Variants in ORC5 observed in about 807,000 individuals in gnomAD.
ORC5 encodes protein phosphatase 1, regulatory subunit 117.
Under a neutral mutation model 58.8 loss-of-function variants are expected in ORC5, and 39 were observed. The observed-to-expected ratio is 0.66, with a 90% CI of 0.51 to 0.87. The LOEUF (loss-of-function observed/expected upper bound fraction) is 0.87. Among genes scored for constraint, ORC5 ranks in the 40% least tolerant of loss-of-function variants. ORC5 has a pLI of 0.00. For synonymous variants in ORC5, 218 were observed against 177.6 expected, an observed-to-expected ratio of 1.23 and a Z score of -1.81; for missense variants, 493 against 506.3, an observed-to-expected ratio of 0.97 and a Z score of 0.25.
chr7:104,181,805 AAAAG>A (rs943659758), intron 8 of ORC5, among the ~76,000 whole-genome samples: 1 of 151,646 alleles, frequency 6.6e-6, no homozygotes, highest in African/African-American at 2.4e-5. Context: ...AAAAAAAAAA[AAAAG>A]AAAATGTGCA....
chr7:104,137,116 T>C (rs1562803111), intron 12 of ORC5, among the ~76,000 whole-genome samples: 2 of 151,302 alleles, frequency 1.3e-5, no homozygotes, highest in Non-Finnish European at 1.5e-5. Context: ...TTTTTTTTTT[T>C]CTTAGAGATA....
At chr7:104,151,482 C>T (rs1417732714) in intron 12 of ORC5, among the ~76,000 whole-genome samples, 1 of 151,010 alleles carries the variant, frequency 6.6e-6, no homozygotes, top group Non-Finnish European at 1.5e-5. Context: ...GATAATTTCT[C>T]CATTTAGCTA....
intron 6 of ORC5, chr7:104,187,481 G>A (rs1584514196): frequency 6.6e-6 from 1 of 152,456 alleles, no homozygotes; most frequent in Non-Finnish European, 1.5e-5. Context: ...AAGAAAATGT[G>A]CTAAGAGACA....
At chr7:104,151,663 A>G (rs985737139) in intron 12 of ORC5, among the ~76,000 whole-genome samples, 1 of 152,236 alleles carries the variant, frequency 6.6e-6, no homozygotes, top group Admixed American at 6.5e-5. Flanking sequence ...GGGGCACACC[A>G]GTGTCTGACA....
At chr7:104,162,447 C>A (rs1385859975) in intron 11 of ORC5, among the ~76,000 whole-genome samples, 1 of 152,164 alleles carries the variant, frequency 6.6e-6, no homozygotes, top group Non-Finnish European at 1.5e-5. Flanking sequence ...CAGGCGTGAG[C>A]CAGTGCACCC....
At position 104,184,172 on chromosome 7, in the gene ORC5, C is replaced by T. The variant is rs763421811; in HGVS notation, c.685-1G>A. On this transcript the variant is annotated splice_acceptor_variant, in intron 6 of 13. Transcript: ENST00000297431. LOFTEE classifies it high-confidence loss of function. ...AATATTTAGGAAAATTAAGTACTGC[C>T]TGTAAGTAAAGAAAAAAAAAGAGAA... is the stretch of plus-strand genomic sequence containing the variant. The T allele has an allele frequency of 1.3e-6, 2 of 1,531,802 alleles. No homozygotes were observed. Among genetic ancestry groups the T allele is most frequent in the Admixed American group, 2.0e-5 (1 of 50,768 alleles). The allele number at this position is 1,531,802 out of a possible 1,614,324, so 94.9% of individuals were successfully genotyped here.
Position 104,165,253 on chromosome 7 carries a change from A to C in ORC5, c.1020T>G (p.Phe340Leu), listed in dbSNP as rs1272743826. 6.6e-7 allele frequency: 1 copy of C among 1,522,100 alleles called. No homozygotes were observed. Among genetic ancestry groups the C allele is most frequent in the South Asian group, 1.2e-5 (1 of 83,764 alleles). 94.3% of individuals were successfully genotyped at this position (1,522,100 alleles called of 1,614,324 possible). A position where few individuals can be genotyped will look rare whatever the true frequency, so the allele number is the denominator to read the frequency against. ...TAAATACCTTTTCGTGTTTTTTTAGAAAGTTGGTTTTCTTGATTTTTCCAT... is the reference window on the plus strand; with the variant it reads ...TAAATACCTTTTCGTGTTTTTTTAGCAAGTTGGTTTTCTTGATTTTTCCAT... The part of the protein sequence containing the change: ...KHHGKIKKTN[F>L]LKKHEKTSNH... Residue 340 changes from phenylalanine (F) to leucine (L), a missense_variant, in exon 11 of 14, where the codon TTT becomes TTG. Phe to Leu is a conservative substitution (Grantham distance 22, BLOSUM62 0). Coordinates refer to ENST00000297431, the MANE Select transcript of ORC5 (RefSeq NM_002553.4).
chr7:104,130,647 T>A (rs1266668524), intron 13 of ORC5, among the ~76,000 whole-genome samples: 1 of 152,204 alleles, frequency 6.6e-6, no homozygotes, highest in East Asian at 1.9e-4. Context: ...CACTATATAT[T>A]TCTCTTTCTT....
intron 8 of ORC5, among the ~76,000 whole-genome samples, chr7:104,182,614 C>T (rs775990307): frequency 6.6e-6 from 1 of 151,654 alleles, no homozygotes; most frequent in Non-Finnish European, 1.5e-5. Context: ...ACAAGCTGTA[C>T]CCGAATAAAT....
chr7:104,146,603 G>T (rs1447415704), intron 12 of ORC5, among the ~76,000 whole-genome samples: 1 of 152,148 alleles, frequency 6.6e-6, no homozygotes, highest in Non-Finnish European at 1.5e-5. Flanking sequence ...TTCTTGAAAT[G>T]ACAAAATTCT....
At position 104,177,551 on chromosome 7, in the gene ORC5, A is replaced by T. The variant is rs575741971; in HGVS notation, c.824+6392T>A. ...ACCCCCAAAAATAAGATGTGTTTTTAATGAGAATTATTGTTTTTTTAAATT... is the reference window on the plus strand; with the variant it reads ...ACCCCCAAAAATAAGATGTGTTTTTTATGAGAATTATTGTTTTTTTAAATT... On this transcript the variant is annotated intron_variant, in intron 8 of 13. Coordinates refer to ENST00000297431, the MANE Select transcript of ORC5 (RefSeq NM_002553.4). Among the ~76,000 whole-genome samples the T allele has an allele frequency of 7.0e-4, 106 of 152,292 alleles. 1 individual carries two copies. The highest frequency in any genetic ancestry group is 2.5e-3 in the African/African-American group (102 of 41,566).
intron 12 of ORC5, among the ~76,000 whole-genome samples, chr7:104,158,676 C>A (rs1057223816): frequency 6.6e-6 from 1 of 151,884 alleles, no homozygotes; most frequent in Non-Finnish European, 1.5e-5. Flanking sequence ...AGGATATGAA[C>A]AGACACTTCT....
chr7:104,152,470 T>C (rs1021701662), intron 12 of ORC5, among the ~76,000 whole-genome samples: 1 of 152,168 alleles, frequency 6.6e-6, no homozygotes, highest in Non-Finnish European at 1.5e-5. Flanking sequence ...GTACCACACA[T>C]TTCCACAACG....
intron 6 of ORC5, chr7:104,187,864 A>T (rs1430645615): frequency 1.0e-6 from 1 of 989,406 alleles, no homozygotes; most frequent in African/African-American, 1.7e-5. Flanking sequence ...ATAAAACTTG[A>T]ACAAAATCTG....
rs149177642 is a variant in ORC5 at position 104,200,549 on chromosome 7, C to T, written c.366+209G>A. ...TCTGGTGACAATCACTTATCACATT[C>T]TGCATGTAGTCGTATGTATGTGTCA... is the stretch of plus-strand genomic sequence containing the variant. On this transcript the variant is annotated intron_variant, in intron 3 of 13. Coordinates refer to ENST00000297431, the MANE Select transcript of ORC5 (RefSeq NM_002553.4). Among the ~76,000 whole-genome samples, 959 of 152,288 alleles carry T rather than the reference C, an allele frequency of 6.3e-3. 14 individuals carry two copies. Among genetic ancestry groups the T allele is most frequent in the African/African-American group, 0.022 (917 of 41,568 alleles).
At chr7:104,143,689 TA>T (rs1798710186) in intron 12 of ORC5, among the ~76,000 whole-genome samples, 1 of 152,082 alleles carries the variant, frequency 6.6e-6, no homozygotes, top group Admixed American at 6.6e-5. Context: ...TTTTTCACAT[TA>T]AAAAAACTCA....
intron 13 of ORC5, among the ~76,000 whole-genome samples, chr7:104,128,996 C>T (rs897452435): frequency 6.6e-6 from 1 of 151,246 alleles, no homozygotes; most frequent in Non-Finnish European, 1.5e-5. Context: ...AATTACAATA[C>T]ATTATTTGAT....
chr7:104,150,851 G>C (rs577196601), intron 12 of ORC5, among the ~76,000 whole-genome samples: 3 of 123,518 alleles, frequency 2.4e-5, no homozygotes, highest in Non-Finnish European at 4.1e-5. Flanking sequence ...ACATAAAATG[G>C]TAATGACATA....
intron 12 of ORC5, among the ~76,000 whole-genome samples, chr7:104,148,481 C>A (rs911533883): frequency 6.6e-6 from 1 of 152,002 alleles, no homozygotes; most frequent in Non-Finnish European, 1.5e-5. Flanking sequence ...GAGAAAAAGC[C>A]TTAAATGAAA....
Sources: allele counts gnomAD v4.1 joint callset (sites outside exome capture counted in the v4.1 genomes callset), GRCh38; gene constraint gnomAD v4.1.1; transcripts MANE v1.5; gene names NCBI Gene and HGNC (gene_info 2026-07-23, HGNC 2026-07-21).